The following HECW1 variants were observed in gnomAD, a reference collection of about 807,000 sequenced individuals.
HECW1 encodes the protein E3 ubiquitin-protein ligase HECW1.
Under a neutral mutation model 182.3 loss-of-function variants are expected in HECW1, and 61 were observed. The observed-to-expected ratio is 0.33, with a 90% CI of 0.27 to 0.41. The LOEUF (loss-of-function observed/expected upper bound fraction) is 0.41, where lower values mean the gene tolerates loss of function less well. Among genes scored for constraint, HECW1 ranks in the 10% least tolerant of loss-of-function variants. HECW1 has a pLI of 1.00. For missense variants in HECW1, 1,739 were observed against 2,108.9 expected, an observed-to-expected ratio of 0.82 and a Z score of 3.44; for synonymous variants, 859 against 832.6, an observed-to-expected ratio of 1.03 and a Z score of -0.55.
chr7:43,177,302 T>C (rs1019752404), intron 2 of HECW1, among the ~76,000 whole-genome samples: 1 of 152,156 alleles, frequency 6.6e-6, no homozygotes, highest in Non-Finnish European at 1.5e-5. Context: ...TCTCTGATCA[T>C]TGGTGGTGGG....
Position 43,116,551 on chromosome 7 carries a change from C to T in HECW1, c.-32+2160C>T, listed in dbSNP as rs528028269. On this transcript the variant is annotated intron_variant, in intron 2 of 29. Coordinates refer to ENST00000395891, the MANE Select transcript of HECW1 (RefSeq NM_015052.5). ...AACCATCCTTCCTGGGCCAGCCAAGCTTGACTGAGTCTCCCAATGGCAGGT... is the reference window on the plus strand; with the variant it reads ...AACCATCCTTCCTGGGCCAGCCAAGTTTGACTGAGTCTCCCAATGGCAGGT... 3.9e-5 allele frequency among the ~76,000 whole-genome samples: 6 copies of T among 152,330 alleles called. No individual in the cohort carries two copies. In the South Asian group the frequency reaches 1.2e-3, roughly 32 times the overall value.
At chr7:43,288,513 C>G (rs748511887) in intron 3 of HECW1, among the ~76,000 whole-genome samples, 1 of 152,148 alleles carries the variant, frequency 6.6e-6, no homozygotes, top group Non-Finnish European at 1.5e-5. Flanking sequence ...AATATACAGA[C>G]TAGAAGATGA....
intron 2 of HECW1, among the ~76,000 whole-genome samples, chr7:43,236,636 C>T (rs762213327): frequency 2.0e-5 from 3 of 152,144 alleles, no homozygotes; most frequent in African/African-American, 4.8e-5. Context: ...TCGCTGAATA[C>T]TCAATGTAGT....
At chr7:43,405,747 G>A (rs2075588082) in intron 7 of HECW1, among the ~76,000 whole-genome samples, 2 of 152,342 alleles carry the variant, frequency 1.3e-5, no homozygotes, top group South Asian at 4.1e-4. Flanking sequence ...GTTCTGGGAA[G>A]GTAGGAGCCC....
intron 2 of HECW1, among the ~76,000 whole-genome samples, chr7:43,199,150 A>G (rs201158657): frequency 6.6e-6 from 1 of 152,238 alleles, no homozygotes; most frequent in Non-Finnish European, 1.5e-5. Flanking sequence ...CGCTCAGGGA[A>G]CAGCCTCTGT....
intron 3 of HECW1, among the ~76,000 whole-genome samples, chr7:43,303,274 G>A (rs1241434169): frequency 6.6e-6 from 1 of 152,050 alleles, no homozygotes; most frequent in African/African-American, 2.4e-5. Flanking sequence ...GCCTCCAGCT[G>A]GTTTCTCTTA....
intron 3 of HECW1, chr7:43,258,771 C>T (rs1171303245): frequency 1.3e-5 from 2 of 151,770 alleles, no homozygotes; most frequent in African/African-American, 4.8e-5. Context: ...TTTTGGTTGG[C>T]AAAAAGAGAC....
At chr7:43,362,739 G>A (rs1816122372) in intron 6 of HECW1, among the ~76,000 whole-genome samples, 1 of 152,236 alleles carries the variant, frequency 6.6e-6, no homozygotes, top group South Asian at 2.1e-4. Flanking sequence ...AAGGCACTGA[G>A]CACACAACAG....
intron 4 of HECW1, among the ~76,000 whole-genome samples, chr7:43,317,074 C>T (rs1420425219): frequency 6.6e-6 from 1 of 152,006 alleles, no homozygotes; most frequent in Non-Finnish European, 1.5e-5. Context: ...AAGCACCTAC[C>T]TCAAAATCTT....
At chr7:43,165,660 T>C (rs550399532) in intron 2 of HECW1, among the ~76,000 whole-genome samples, 1 of 152,196 alleles carries the variant, frequency 6.6e-6, no homozygotes, top group Non-Finnish European at 1.5e-5. Context: ...ACATAGGCGT[T>C]GTGAGCCCAC....
At chr7:43,376,469 C>G (rs891570289) in intron 6 of HECW1, among the ~76,000 whole-genome samples, 17 of 152,048 alleles carry the variant, frequency 1.1e-4, no homozygotes, top group African/African-American at 4.1e-4. Context: ...CAGTAGGTGC[C>G]CGTGAGTTGG....
At chr7:43,519,636 G>A (rs1398067117) in intron 24 of HECW1, among the ~76,000 whole-genome samples, 4 of 152,160 alleles carry the variant, frequency 2.6e-5, no homozygotes, top group Admixed American at 6.5e-5. Context: ...AAACCTAGAA[G>A]CAATGCAAAT....
intron 3 of HECW1, among the ~76,000 whole-genome samples, chr7:43,282,535 C>G (rs563334544): frequency 6.6e-6 from 1 of 151,934 alleles, no homozygotes; most frequent in Admixed American, 6.5e-5. Flanking sequence ...GAAGAGAGAC[C>G]GAACATATGA....
intron 1 of HECW1, 77 bp downstream of exon 1, chr7:43,113,014 C>A: frequency 5.2e-6 from 1 of 191,566 alleles, no homozygotes; most frequent in Non-Finnish European, 1.1e-5. Context: ...CCCCGCCGCA[C>A]GCGAGGCCCC....
chr7:43,407,251 C>T (rs956134811), intron 7 of HECW1, among the ~76,000 whole-genome samples: 1 of 152,154 alleles, frequency 6.6e-6, no homozygotes, highest in Admixed American at 6.5e-5. Context: ...TCTGCCAATT[C>T]TCTCACCTTA....
chr7:43,535,627 A>G (rs1233146186), intron 24 of HECW1, among the ~76,000 whole-genome samples: 1 of 152,196 alleles, frequency 6.6e-6, no homozygotes. Context: ...AGCATTCCTA[A>G]AAAGAAATAT....
intron 3 of HECW1, among the ~76,000 whole-genome samples, chr7:43,247,908 G>A (rs1362172619): frequency 7.4e-6 from 1 of 135,364 alleles, no homozygotes; most frequent in Non-Finnish European, 1.5e-5. Context: ...AAGGAAGGAA[G>A]GAGGGAGGAA....
chr7:43,424,673 T>G (rs891486230), intron 8 of HECW1, among the ~76,000 whole-genome samples: 13 of 152,142 alleles, frequency 8.5e-5, no homozygotes, highest in Admixed American at 3.3e-4. Flanking sequence ...AGCAGTCTTT[T>G]CAAAGTTAAA....
intron 17 of HECW1, among the ~76,000 whole-genome samples, chr7:43,489,308 A>T (rs1178115220): frequency 1.3e-5 from 2 of 152,216 alleles, no homozygotes; most frequent in Admixed American, 1.3e-4. Flanking sequence ...AACTGGCATG[A>T]TTCCCTCCAA....
Sources: allele counts gnomAD v4.1 joint callset (sites outside exome capture counted in the v4.1 genomes callset), GRCh38; gene constraint gnomAD v4.1.1; transcripts MANE v1.5; gene names NCBI Gene and HGNC (gene_info 2026-07-23, HGNC 2026-07-21).